The following PLCG2 variants were observed in gnomAD, a reference collection of about 807,000 sequenced individuals.
PLCG2 encodes phospholipase C gamma 2, also known as 1-phosphatidylinositol 4,5-bisphosphate phosphodiesterase gamma-2.
PLCG2 carries 69 observed loss-of-function variants against 175.6 expected under a neutral mutation model. That is an observed-to-expected ratio of 0.39 (90% CI 0.32 to 0.48). The LOEUF is 0.48. Ranked by LOEUF, PLCG2 falls within the 20% of genes least tolerant of loss-of-function variation. The pLI, the probability that PLCG2 is intolerant of heterozygous loss-of-function variation, is 0.91. For missense variants in PLCG2, 1,798 were observed against 1,650.9 expected (o/e 1.09, Z -1.54); for synonymous variants, 827 against 624.0 (o/e 1.33, Z -4.85).
Position 81,889,517 on chromosome 16 carries a change from C to T in PLCG2, c.867+244C>T, listed in dbSNP as rs542357540. The T allele has an allele frequency of 2.5e-4, 93 of 373,798 alleles. No individual in the cohort carries two copies. In the East Asian group the frequency reaches 3.8e-3, roughly 15 times the overall value. The allele number at this position is 373,798 out of a possible 1,614,324, so 23.2% of individuals were successfully genotyped here. Reference sequence around the variant, plus strand: ...TGCTGCCTAGACAGAACCGATTGATCAAGGCAGGGGAATTGCAATAGGGAA... The same window carrying T: ...TGCTGCCTAGACAGAACCGATTGATTAAGGCAGGGGAATTGCAATAGGGAA... On this transcript the variant is annotated intron_variant, in intron 10 of 32. Transcript: ENST00000564138.
chr16:81,896,157 T>C (rs1305204698), intron 13 of PLCG2, among the ~76,000 whole-genome samples: 1 of 152,122 alleles, frequency 6.6e-6, no homozygotes, highest in Non-Finnish European at 1.5e-5. Context: ...GAGGAGGCTC[T>C]GGCTGGGGAA....
intron 2 of PLCG2, among the ~76,000 whole-genome samples, chr16:81,809,109 G>A (rs1232150816): frequency 6.6e-6 from 1 of 152,206 alleles, no homozygotes; most frequent in Non-Finnish European, 1.5e-5. Flanking sequence ...GTCTCTCTGA[G>A]CATGGTGACT....
chr16:81,749,994 C>G (rs1347113687), intron 1 of PLCG2, among the ~76,000 whole-genome samples: 2 of 151,718 alleles, frequency 1.3e-5, no homozygotes, highest in Non-Finnish European at 2.9e-5. Flanking sequence ...AGAAAGAGAT[C>G]TGCAATATAC....
intron 25 of PLCG2, 32 bp downstream of exon 25, chr16:81,931,686 C>T (rs1910509855): frequency 1.2e-6 from 2 of 1,603,134 alleles, no homozygotes; most frequent in Non-Finnish European, 1.7e-6. Flanking sequence ...TGCAGGTGGG[C>T]CTGGCATTCT....
intron 2 of PLCG2, among the ~76,000 whole-genome samples, chr16:81,810,273 C>A (rs373190282): frequency 9.2e-5 from 14 of 152,208 alleles, no homozygotes; most frequent in African/African-American, 3.4e-4. Context: ...GTGTGAGCCA[C>A]CGTGCCCAGC....
intron 3 of PLCG2, among the ~76,000 whole-genome samples, chr16:81,856,769 G>C (rs923905854): frequency 6.6e-6 from 1 of 152,160 alleles, no homozygotes; most frequent in African/African-American, 2.4e-5. Flanking sequence ...CTATGGAAAA[G>C]GAGACTTGGC....
At chr16:81,758,780 C>T (rs957534447) in intron 2 of PLCG2, among the ~76,000 whole-genome samples, 1 of 151,794 alleles carries the variant, frequency 6.6e-6, no homozygotes, top group African/African-American at 2.4e-5. Flanking sequence ...CAGGTTCAAG[C>T]GATTCTCCTG....
intron 1 of PLCG2, among the ~76,000 whole-genome samples, chr16:81,781,425 T>G (rs888947457): frequency 1.3e-5 from 2 of 151,712 alleles, no homozygotes; most frequent in African/African-American, 2.4e-5. Context: ...TTTTTTTTCT[T>G]TTTTTGTATT....
intron 1 of PLCG2, among the ~76,000 whole-genome samples, chr16:81,782,478 G>A (rs1291865064): frequency 6.6e-6 from 1 of 152,168 alleles, no homozygotes; most frequent in Non-Finnish European, 1.5e-5. Context: ...CAAGGTCTTG[G>A]AGACCTCCCT....
intron 18 of PLCG2, among the ~76,000 whole-genome samples, chr16:81,911,361 G>A (rs1202040025): frequency 6.6e-6 from 1 of 152,056 alleles, no homozygotes; most frequent in Non-Finnish European, 1.5e-5. Flanking sequence ...CTCCGTCTTC[G>A]ATTTTCTGAG....
chr16:81,934,676 C>T (rs1446995233), intron 26 of PLCG2, 145 bp downstream of exon 26: 25 of 636,812 alleles, frequency 3.9e-5, no homozygotes, highest in Middle Eastern at 2.5e-4. Flanking sequence ...GTTTGTCCTC[C>T]GAGTGAGGGA....
intron 2 of PLCG2, among the ~76,000 whole-genome samples, chr16:81,840,546 G>T (rs1905767313): frequency 6.6e-6 from 1 of 152,190 alleles, no homozygotes; most frequent in African/African-American, 2.4e-5. Flanking sequence ...GGGAGTGATG[G>T]GAGACAGTGA....
chr16:81,814,651 T>C (rs1904459309), intron 2 of PLCG2, among the ~76,000 whole-genome samples: 1 of 151,700 alleles, frequency 6.6e-6, no homozygotes, highest in Non-Finnish European at 1.5e-5. Context: ...ACCAAGATCA[T>C]GCCACTGCAC....
At chr16:81,794,524 A>G in intron 2 of PLCG2, among the ~76,000 whole-genome samples, 1 of 152,184 alleles carries the variant, frequency 6.6e-6, no homozygotes, top group East Asian at 1.9e-4. Flanking sequence ...GATGGTATAA[A>G]GAAGGGCTGT....
chr16:81,831,468 T>C (rs897177060), intron 2 of PLCG2, among the ~76,000 whole-genome samples: 2 of 152,236 alleles, frequency 1.3e-5, no homozygotes, highest in African/African-American at 2.4e-5. Flanking sequence ...TAAATCCTCA[T>C]GTCAATGCCA....
At chr16:81,935,729 C>T (rs1910679173) in intron 26 of PLCG2, 1 of 985,188 alleles carries the variant, frequency 1.0e-6, no homozygotes, top group Non-Finnish European at 1.2e-6. Context: ...CCTGCACAGG[C>T]ACCCACATTG....
intron 2 of PLCG2, among the ~76,000 whole-genome samples, chr16:81,825,554 C>G (rs569406682): frequency 9.9e-5 from 15 of 152,256 alleles, no homozygotes; most frequent in Admixed American, 3.3e-4. Context: ...CTCGGTCTCC[C>G]AAAGTGCTGG....
chr16:81,848,349 C>T (rs1394744314), intron 2 of PLCG2, among the ~76,000 whole-genome samples: 2 of 152,156 alleles, frequency 1.3e-5, no homozygotes, highest in Admixed American at 6.5e-5. Flanking sequence ...CAGCTCTTTC[C>T]TGGGGCAGGG....
intron 31 of PLCG2, among the ~76,000 whole-genome samples, chr16:81,954,446 G>C (rs1209507170): frequency 6.6e-6 from 1 of 152,192 alleles, no homozygotes; most frequent in Non-Finnish European, 1.5e-5. Context: ...TGCCATGGTG[G>C]TTTGCTGTAC....
Sources: gnomAD v4.1 joint callset for allele counts (sites outside exome capture counted in the v4.1 genomes callset) on GRCh38, gnomAD v4.1.1 for gene constraint, MANE v1.5 for transcripts, NCBI Gene and HGNC (gene_info 2026-07-23, HGNC 2026-07-21) for gene names.